ANKRD44: variants seen among roughly 807,000 people sequenced by gnomAD.
ANKRD44 encodes the protein serine/threonine-protein phosphatase 6 regulatory ankyrin repeat subunit B.
A neutral mutation model predicts 116.0 loss-of-function variants in ANKRD44; 35 were observed. The observed-to-expected ratio is 0.30, with a 90% confidence interval of 0.23 to 0.40. The LOEUF is 0.40. Among genes scored for constraint, ANKRD44 ranks in the 10% least tolerant of loss-of-function variants. ANKRD44 has a pLI of 1.00. For missense variants in ANKRD44, 1,014 were observed against 1,242.6 expected (o/e 0.82, Z 2.77); for synonymous variants, 435 against 461.8 (o/e 0.94, Z 0.74).
At chr2:196,995,496 TAGAG>T in intron 25 of ANKRD44, 35 bp from the exon 26 acceptor site, 1 of 1,469,560 alleles carries the variant, frequency 6.8e-7, no homozygotes, top group Non-Finnish European at 9.4e-7. Flanking sequence ...AAATGCAAGA[TAGAG>T]ACACAGAAAA....
At chr2:197,036,785 G>A (rs2076816564) in intron 16 of ANKRD44, among the ~76,000 whole-genome samples, 1 of 152,166 alleles carries the variant, frequency 6.6e-6, no homozygotes, top group Admixed American at 6.5e-5. Context: ...AAAATGCATG[G>A]TATTTCAAAC....
chr2:196,999,094 T>C (rs1416197337), intron 23 of ANKRD44, 42 bp from the exon 24 acceptor site: 1 of 1,603,962 alleles, frequency 6.2e-7, no homozygotes, highest in Non-Finnish European at 8.5e-7. Flanking sequence ...TCCTTTAAAC[T>C]TTATTCTCGC....
At chr2:197,017,216 G>A (rs1247562836) in intron 17 of ANKRD44, among the ~76,000 whole-genome samples, 6 of 152,226 alleles carry the variant, frequency 3.9e-5, no homozygotes, top group Non-Finnish European at 2.9e-5. Flanking sequence ...GTTGCAAACA[G>A]TACTTAAAGC....
At chr2:197,109,388 A>C (rs1179826820) in intron 9 of ANKRD44, among the ~76,000 whole-genome samples, 1 of 152,246 alleles carries the variant, frequency 6.6e-6, no homozygotes, top group Non-Finnish European at 1.5e-5. Context: ...TGGGTATTGC[A>C]CGGTTAATTT....
chr2:197,163,444 C>G (rs575376079), intron 2 of ANKRD44, among the ~76,000 whole-genome samples: 2 of 152,326 alleles, frequency 1.3e-5, no homozygotes, highest in Middle Eastern at 3.4e-3. Flanking sequence ...GAAACCAGCA[C>G]TGAGTTTTTT....
At chr2:197,259,063 T>C (rs1427237727) in intron 1 of ANKRD44, among the ~76,000 whole-genome samples, 1 of 152,224 alleles carries the variant, frequency 6.6e-6, no homozygotes, top group African/African-American at 2.4e-5. Flanking sequence ...AGAAAGACAT[T>C]GCCAAGTTTC....
chr2:197,219,212 G>GGCC (rs1189890979), intron 1 of ANKRD44, among the ~76,000 whole-genome samples: 1 of 151,744 alleles, frequency 6.6e-6, no homozygotes, highest in Non-Finnish European at 1.5e-5. Context: ...TGGGACTACA[G>GGCC]GCATATGCCA....
chr2:197,083,713 G>A (rs996831436), intron 13 of ANKRD44, among the ~76,000 whole-genome samples: 1 of 152,172 alleles, frequency 6.6e-6, no homozygotes, highest in Non-Finnish European at 1.5e-5. Flanking sequence ...GTTCTGGATG[G>A]TTGAGCATCT....
chr2:197,099,882 A>G lies in ANKRD44; in HGVS notation c.1034T>C (p.Val345Ala). 1 of 1,614,184 alleles carries G rather than the reference A, an allele frequency of 6.2e-7. No homozygotes were observed. The highest frequency in any genetic ancestry group is 8.5e-7 in the Non-Finnish European group (1 of 1,180,028). Residue 345 changes from valine (V) to alanine (A), a missense_variant, in exon 10 of 28, where the codon GTG becomes GCG. Val to Ala is a moderately conservative substitution (Grantham distance 64, BLOSUM62 0). Transcript: ENST00000282272. ...AAGCTCATGACCGTATCTTGCAGCC[A>G]CATGGAGAGGAGTGTTGCCGTCCTT... ...VDKDGNTPLH[V>A]AARYGHELLI...
chr2:197,231,435 A>AG (rs200496937), intron 1 of ANKRD44, among the ~76,000 whole-genome samples: 2,080 of 152,190 alleles, frequency 0.014, 41 homozygotes, highest in African/African-American at 0.046. Flanking sequence ...ACTCTTTAAA[A>AG]AAAAAAATTG....
intron 16 of ANKRD44, among the ~76,000 whole-genome samples, chr2:197,028,502 G>A (rs2076640439): frequency 6.6e-6 from 1 of 152,190 alleles, no homozygotes; most frequent in African/African-American, 2.4e-5. Context: ...CCTGATTGGT[G>A]GGCTTGGGCT....
At chr2:197,121,251 G>A (rs1448019577) in intron 8 of ANKRD44, 81 bp downstream of exon 8, 3 of 1,352,908 alleles carry the variant, frequency 2.2e-6, no homozygotes, top group African/African-American at 1.4e-5. Context: ...ACTAAAACAT[G>A]GCATAATTTG....
Position 197,014,738 on chromosome 2 carries a change from C to T in ANKRD44, c.1723-1026G>A, listed in dbSNP as rs546580383. ...GGCGGAGGTTGCAGTGAGCTATTAT[C>T]ACGACTCTGCACTCCAGCTTGAGTG... On this transcript the variant is annotated intron_variant, in intron 17 of 27. Transcript: ENST00000282272. Among the ~76,000 whole-genome samples the T allele has an allele frequency of 1.2e-4, 18 of 151,558 alleles. No individual in the cohort carries two copies. The South Asian group carries it at 3.8e-3, about 32-fold the overall frequency.
At chr2:197,282,023 G>A (rs1210597711) in intron 1 of ANKRD44, among the ~76,000 whole-genome samples, 1 of 152,102 alleles carries the variant, frequency 6.6e-6, no homozygotes, top group African/African-American at 2.4e-5. Flanking sequence ...GGAGGCCGAG[G>A]CGGGCAGATC....
chr2:197,284,842 C>T (rs976652948), intron 1 of ANKRD44, among the ~76,000 whole-genome samples: 2 of 150,762 alleles, frequency 1.3e-5, no homozygotes, highest in African/African-American at 2.4e-5. Flanking sequence ...GCCGAGATTA[C>T]ACCACTGTAC....
chr2:197,073,944 A>C (rs1432075486), intron 16 of ANKRD44, among the ~76,000 whole-genome samples: 4 of 152,234 alleles, frequency 2.6e-5, no homozygotes, highest in African/African-American at 9.6e-5. Context: ...TGCCAAATTC[A>C]TTCATGGTAA....
chr2:197,288,708 T>C (rs981547333), intron 1 of ANKRD44, among the ~76,000 whole-genome samples: 3 of 152,050 alleles, frequency 2.0e-5, no homozygotes, highest in Non-Finnish European at 4.4e-5. Context: ...CATGGAATAC[T>C]ATTCAGCCGT....
At chr2:197,301,745 A>T (rs1469479310) in intron 1 of ANKRD44, among the ~76,000 whole-genome samples, 4 of 152,236 alleles carry the variant, frequency 2.6e-5, no homozygotes, top group African/African-American at 7.2e-5. Context: ...TTTATTGAGC[A>T]TTTACTATGC....
At chr2:197,037,035 GA>G (rs771488680) in intron 16 of ANKRD44, among the ~76,000 whole-genome samples, 2 of 151,998 alleles carry the variant, frequency 1.3e-5, no homozygotes, top group African/African-American at 2.4e-5. Flanking sequence ...GATATGTTAT[GA>G]AAAAAATCAG....
Sources: gnomAD v4.1 joint callset for allele counts (sites outside exome capture counted in the v4.1 genomes callset) on GRCh38, gnomAD v4.1.1 for gene constraint, MANE v1.5 for transcripts, NCBI Gene and HGNC (gene_info 2026-07-23, HGNC 2026-07-21) for gene names.